FAM135B: variants seen among roughly 807,000 people sequenced by gnomAD.
The protein encoded by FAM135B is protein FAM135B.
FAM135B carries 43 observed loss-of-function variants against 127.7 expected under a neutral mutation model. The ratio of observed to expected loss-of-function variants is 0.34; its 90% CI spans 0.26 to 0.43. The LOEUF is 0.43. Ranked by LOEUF, FAM135B falls within the 20% of genes least tolerant of loss-of-function variation. FAM135B has a pLI of 1.00. For synonymous variants in FAM135B, 670 were observed against 665.1 expected (o/e 1.01, Z -0.11); for missense variants, 1,558 against 1,725.6 (o/e 0.90, Z 1.72).
chr8:138,152,791 T>A lies in FAM135B; in HGVS notation c.1684A>T (p.Asn562Tyr), dbSNP rs1444136126. The A allele has an allele frequency of 1.2e-6, 2 of 1,614,142 alleles. No homozygotes were observed. Among genetic ancestry groups the A allele is most frequent in the East Asian group, 4.5e-5 (2 of 44,876 alleles). The change falls in exon 13 of 20, where the codon AAC becomes TAC. Residue 562 changes from asparagine (N) to tyrosine (Y), a missense_variant. Physicochemically the swap from Asn to Tyr is moderately radical, Grantham distance 143. Transcript: ENST00000395297. ...TYIDVKSSNKNPSRAEPLVAF... is the reference protein window; with the variant it reads ...TYIDVKSSNKYPSRAEPLVAF... ...ACCAGGGGTTCAGCTCTGGAGGGGT[T>A]CTTATTGCTAGATTTTACGTCAATG...
intron 1 of FAM135B, among the ~76,000 whole-genome samples, chr8:138,376,553 T>C (rs1297012072): frequency 2.0e-5 from 3 of 152,318 alleles, no homozygotes; most frequent in South Asian, 2.1e-4. Flanking sequence ...TCAAGAGGCA[T>C]TGTATACTCC....
Position 138,276,499 on chromosome 8 carries a change from T to C in FAM135B, c.158-10657A>G, listed in dbSNP as rs569278036. 5.3e-5 allele frequency among the ~76,000 whole-genome samples: 8 copies of C among 152,240 alleles called. No homozygotes were observed. The East Asian group carries it at 1.2e-3, about 22-fold the overall frequency. ...GGGAGAACAGGTGGTTGCTCTGCCT[T>C]TGTTTTCCACAGAGATGGCAGATCC... On this transcript the variant is annotated intron_variant, in intron 3 of 19. Transcript: ENST00000395297.
intron 2 of FAM135B, among the ~76,000 whole-genome samples, chr8:138,341,129 T>C (rs1476781489): frequency 1.3e-5 from 2 of 152,198 alleles, no homozygotes; most frequent in Admixed American, 1.3e-4. Flanking sequence ...CACTGCAGCA[T>C]TCTTCGCAAT....
At chr8:138,156,616 T>C (rs1390621087) in intron 12 of FAM135B, among the ~76,000 whole-genome samples, 1 of 151,936 alleles carries the variant, frequency 6.6e-6, no homozygotes, top group Non-Finnish European at 1.5e-5. Flanking sequence ...AAAGGGGATA[T>C]CACCACCAAT....
At chr8:138,264,924 T>C (rs1446598306) in intron 4 of FAM135B, among the ~76,000 whole-genome samples, 1 of 152,210 alleles carries the variant, frequency 6.6e-6, no homozygotes, top group Non-Finnish European at 1.5e-5. Flanking sequence ...TCTCGATATA[T>C]TCTAGCAGAA....
intron 1 of FAM135B, among the ~76,000 whole-genome samples, chr8:138,475,044 T>G (rs1814330327): frequency 6.6e-6 from 1 of 152,224 alleles, no homozygotes. Context: ...TACCAAGTTT[T>G]GTAACATTTG....
At chr8:138,236,537 A>G (rs1820290549) in intron 7 of FAM135B, among the ~76,000 whole-genome samples, 1 of 152,130 alleles carries the variant, frequency 6.6e-6, no homozygotes, top group African/African-American at 2.4e-5. Context: ...GGGGATGAGG[A>G]GATGGCATCA....
intron 4 of FAM135B, among the ~76,000 whole-genome samples, chr8:138,261,693 C>T (rs1028612188): frequency 2.6e-5 from 4 of 152,232 alleles, no homozygotes; most frequent in Non-Finnish European, 2.9e-5. Context: ...AACATCTCCT[C>T]GTACACCTTA....
chr8:138,138,654 T>C (rs1348139488), intron 18 of FAM135B, among the ~76,000 whole-genome samples: 1 of 152,244 alleles, frequency 6.6e-6, no homozygotes, highest in South Asian at 2.1e-4. Flanking sequence ...TAGATGGGCC[T>C]GTACCTGGGT....
At chr8:138,337,544 CT>C (rs987672612) in intron 2 of FAM135B, among the ~76,000 whole-genome samples, 1 of 152,096 alleles carries the variant, frequency 6.6e-6, no homozygotes, top group East Asian at 1.9e-4. Context: ...AGGAATCCAA[CT>C]TACAAGGGAT....
chr8:138,375,908 C>T (rs1831439798), intron 1 of FAM135B, among the ~76,000 whole-genome samples: 1 of 152,136 alleles, frequency 6.6e-6, no homozygotes, highest in African/African-American at 2.4e-5. Flanking sequence ...CTGGAGAGAC[C>T]TCAAAATTGT....
At chr8:138,160,203 G>A (rs1215435725) in intron 12 of FAM135B, among the ~76,000 whole-genome samples, 2 of 151,910 alleles carry the variant, frequency 1.3e-5, no homozygotes, top group African/African-American at 4.8e-5. Context: ...TCTCCTTTTT[G>A]ACTGGATGTT....
At position 138,177,334 on chromosome 8, in the gene FAM135B, A is replaced by G. The variant is rs745337168; in HGVS notation, c.1103+13T>C. 1 of 1,612,366 alleles carries G rather than the reference A, an allele frequency of 6.2e-7. No individual in the cohort carries two copies. The highest frequency in any genetic ancestry group is 2.2e-5 in the East Asian group (1 of 44,848). Reference sequence around the variant, plus strand: ...GCTTTTAGGGATGAAGTGGGCATGCAATGGATACTTACAGATTCTCCTGAA... The same window carrying G: ...GCTTTTAGGGATGAAGTGGGCATGCGATGGATACTTACAGATTCTCCTGAA... On this transcript the variant is annotated intron_variant, in intron 11 of 19. Transcript: ENST00000395297.
chr8:138,208,251 G>A (rs1390434343), intron 7 of FAM135B, among the ~76,000 whole-genome samples: 4 of 152,016 alleles, frequency 2.6e-5, no homozygotes, highest in South Asian at 2.1e-4. Context: ...AGTCTGTTTC[G>A]TTTATAGCAG....
chr8:138,453,379 T>G (rs1174625221), intron 1 of FAM135B, among the ~76,000 whole-genome samples: 2 of 149,700 alleles, frequency 1.3e-5, no homozygotes, highest in Non-Finnish European at 2.9e-5. Flanking sequence ...CTGTAGGCAC[T>G]CTAACAAATT....
chr8:138,156,753 G>T (rs959480295), intron 12 of FAM135B, among the ~76,000 whole-genome samples: 1 of 152,140 alleles, frequency 6.6e-6, no homozygotes, highest in Non-Finnish European at 1.5e-5. Flanking sequence ...CCAGGAAGAA[G>T]CTGAATCTCT....
chr8:138,359,941 T>C (rs1412710083), intron 2 of FAM135B, among the ~76,000 whole-genome samples: 2 of 152,162 alleles, frequency 1.3e-5, no homozygotes, highest in African/African-American at 4.8e-5. Flanking sequence ...CTAACATTTC[T>C]ATGAGCCTTC....
intron 1 of FAM135B, among the ~76,000 whole-genome samples, chr8:138,462,076 A>C (rs927988122): frequency 5.3e-5 from 8 of 152,196 alleles, no homozygotes; most frequent in African/African-American, 1.9e-4. Context: ...ATGATGATAA[A>C]TCCATCAATG....
At position 138,250,943 on chromosome 8, in the gene FAM135B, C is replaced by A; in HGVS notation, c.440G>T (p.Gly147Val). Residue 147 changes from glycine (G) to valine (V), a missense_variant, in exon 6 of 20, where the codon GGT (glycine) becomes GTT (valine). Coordinates refer to ENST00000395297, the MANE Select transcript of FAM135B (RefSeq NM_015912.4). ...TLGLHFHPRN[G>V]LHHQVPVMFD... is the part of the protein sequence containing the mutation. ...CATGACCGGGACCTGGTGGTGCAGA[C>A]CATTCCGGGGGTGGAAGTGCAGGCC... is the stretch of plus-strand genomic sequence containing the variant. The A allele has an allele frequency of 6.2e-7, 1 of 1,613,910 alleles. No homozygotes were observed. The highest frequency in any genetic ancestry group is 8.5e-7 in the Non-Finnish European group (1 of 1,179,988).
Sources: allele counts gnomAD v4.1 joint callset (sites outside exome capture counted in the v4.1 genomes callset), GRCh38; gene constraint gnomAD v4.1.1; transcripts MANE v1.5; gene names NCBI Gene and HGNC (gene_info 2026-07-23, HGNC 2026-07-21).